Variants in EXOSC10 observed in about 807,000 individuals in gnomAD.
EXOSC10 encodes exosome complex component 10.
A neutral mutation model predicts 126.6 loss-of-function variants in EXOSC10; 94 were observed. The ratio of observed to expected loss-of-function variants is 0.74; its 90% CI spans 0.63 to 0.88. The LOEUF is 0.88. EXOSC10 is among the 40% of genes least tolerant of loss of function. The pLI is 0.00. For synonymous variants in EXOSC10, 395 were observed against 400.8 expected (o/e 0.99, Z 0.17); for missense variants, 1,041 against 1,100.5 (o/e 0.95, Z 0.77).
At chr1:11,091,316 A>T in intron 4 of EXOSC10, 137 bp from the exon 5 acceptor site, 1 of 985,742 alleles carries the variant, frequency 1.0e-6, no homozygotes. Flanking sequence ...GTGCATGTAG[A>T]GGTCTCCAGA....
chr1:11,076,092 G>A (rs1169318494), intron 17 of EXOSC10, among the ~76,000 whole-genome samples: 2 of 152,064 alleles, frequency 1.3e-5, no homozygotes, highest in Admixed American at 1.3e-4. Flanking sequence ...TTGAACCTGG[G>A]AGGTGGAGGT....
Position 11,071,966 on chromosome 1 carries a change from C to G in EXOSC10, c.2242+121G>C, listed in dbSNP as rs532204565. ...TAGATACTGATTGCCCACCATCCCTCAGCAGAAGGGAAGCCCCACAGGGGC... is the reference window on the plus strand; with the variant it reads ...TAGATACTGATTGCCCACCATCCCTGAGCAGAAGGGAAGCCCCACAGGGGC... On this transcript the variant is annotated intron_variant, in intron 20 of 24. Coordinates refer to ENST00000376936, the MANE Select transcript of EXOSC10 (RefSeq NM_001001998.3). The G allele has an allele frequency of 7.6e-4, 570 of 753,722 alleles. 10 individuals are homozygous for G. The South Asian group carries it at 9.4e-3, about 12-fold the overall frequency. The allele number at this position is 753,722 out of a possible 1,614,324, so 46.7% of individuals were successfully genotyped here. A position where few individuals can be genotyped will look rare whatever the true frequency, so the allele number is the denominator to read the frequency against.
In EXOSC10 at chr1:11,082,720, G is replaced by C. The variant is rs986060129; in HGVS notation, c.1248C>G (p.Asn416Lys). ...TCCAATCAGCCAGCTGATATTGCTT[G>C]TTTGAGTCCACGTTGCAGTAGAGTT... ...LLKLYCNVDS[N>K]KQYQLADWRI... The change falls in exon 10 of 25, where the codon AAC becomes AAG. Residue 416 changes from asparagine (N) to lysine (K), a missense_variant. By Grantham distance (94) the Asn-to-Lys change is moderately conservative. This residue lies in a region of EXOSC10 where 645 missense variants were observed against 656.3 expected (regional missense o/e 0.98). Coordinates refer to ENST00000376936, the MANE Select transcript of EXOSC10 (RefSeq NM_001001998.3). 5 of 1,614,208 alleles carry C rather than the reference G, an allele frequency of 3.1e-6. No individual in the cohort carries two copies. The highest frequency in any genetic ancestry group is 1.3e-5 in the African/African-American group (1 of 75,050).
chr1:11,083,527 A>T (rs2100987957), intron 9 of EXOSC10, among the ~76,000 whole-genome samples: 1 of 141,658 alleles, frequency 7.1e-6, no homozygotes, highest in Non-Finnish European at 1.5e-5. Context: ...GTACCATTGT[A>T]CTCCAGCCTG....
At chr1:11,074,118 G>C in intron 18 of EXOSC10, 110 bp from the exon 19 acceptor site, 1 of 1,374,992 alleles carries the variant, frequency 7.3e-7, no homozygotes, top group Non-Finnish European at 1.0e-6. Flanking sequence ...GTCTTTGCCA[G>C]GACACCAGGG....
chr1:11,077,402 A>G lies in EXOSC10; in HGVS notation c.1842T>C (p.His614=). The change falls in exon 16 of 25, where the codon CAT becomes CAC. Residue 614 remains histidine (H), a synonymous_variant. Transcript: ENST00000376936. ...NVLFGPHDCS[H]APPDGYPIIP... is the part of the protein sequence containing the mutation. ...TGATTGGATAGCCATCCGGAGGGGC[A>G]TGGGAGCAGTCGTGAGGTCCAAAGA... The G allele has an allele frequency of 6.2e-7, 1 of 1,613,896 alleles. No homozygotes were observed. The highest frequency in any genetic ancestry group is 8.5e-7 in the Non-Finnish European group (1 of 1,179,806).
chr1:11,087,355 A>G, intron 9 of EXOSC10, 93 bp downstream of exon 9: 1 of 1,449,836 alleles, frequency 6.9e-7, no homozygotes, highest in Non-Finnish European at 9.6e-7. Flanking sequence ...TCCCAACTTG[A>G]CTGGTCTAGG....
At position 11,081,099 on chromosome 1, in the gene EXOSC10, T is replaced by C. The variant is rs1229462068; in HGVS notation, c.1420A>G (p.Arg474Gly). 6.2e-7 allele frequency: 1 copy of C among 1,614,240 alleles called. No homozygotes were observed. ...AGGTGTACCTTGAGGCAGATGTCCC[T>C]GCTCCGTTGCCACACCACCTGCAGC... ...VQLQVVWQRS[R>G]DICLKKFIKP... The change falls in exon 11 of 25, where the codon AGG (arginine) becomes GGG (glycine). Residue 474 changes from arginine to glycine, a missense_variant. Arg to Gly is a moderately radical substitution (Grantham distance 125). Transcript: ENST00000376936.
chr1:11,077,667 A>G lies in EXOSC10; in HGVS notation c.1750-16T>C, dbSNP rs1639897167. The G allele has an allele frequency of 6.2e-7, 1 of 1,602,428 alleles. No individual in the cohort carries two copies. Among genetic ancestry groups the G allele is most frequent in the South Asian group, 1.1e-5 (1 of 90,418 alleles). On this transcript the variant is annotated splice_polypyrimidine_tract_variant and intron_variant, in intron 14 of 24. Transcript: ENST00000376936. Reference sequence around the variant, plus strand: ...CAACTTCAGACTAAGGAAAAAAACGAAGGGAATTGAGGAAAGTTGCCCAAG... The same window carrying G: ...CAACTTCAGACTAAGGAAAAAAACGGAGGGAATTGAGGAAAGTTGCCCAAG...
chr1:11,079,802 G>C lies in EXOSC10; in HGVS notation c.1658C>G (p.Ala553Gly). Residue 553 changes from alanine to glycine, a missense_variant, in exon 14 of 25, where the codon GCT becomes GGT. Physicochemically the swap from Ala to Gly is moderately conservative, Grantham distance 60 (BLOSUM62 0). This residue lies in a region of EXOSC10 where 388 missense variants were observed against 415.2 expected (regional missense o/e 0.93). Transcript: ENST00000376936. ...AAGGGGCGGTACTGGGTTGCAGCAA[G>C]CTATGATGCCCTGAGGTTCCCTGAA... is the stretch of plus-strand genomic sequence containing the variant. ...ELPKEPQGII[A>G]CCNPVPPLVR... The C allele has an allele frequency of 1.9e-6, 3 of 1,613,264 alleles. No individual in the cohort carries two copies. The highest frequency in any genetic ancestry group is 2.5e-6 in the Non-Finnish European group (3 of 1,179,654).
intron 22 of EXOSC10, 66 bp from the exon 23 acceptor site, chr1:11,068,772 C>T: frequency 7.6e-7 from 1 of 1,309,450 alleles, no homozygotes; most frequent in South Asian, 1.2e-5. Flanking sequence ...CACAGGCTCA[C>T]AGCGAGGCCG....
chr1:11,093,947 G>A (rs1392322784), intron 3 of EXOSC10, among the ~76,000 whole-genome samples: 2 of 152,036 alleles, frequency 1.3e-5, no homozygotes, highest in East Asian at 1.9e-4. Context: ...AGACGTGGTG[G>A]TGCACACCTG....
At chr1:11,083,930 A>G (rs1481064019) in intron 9 of EXOSC10, among the ~76,000 whole-genome samples, 3 of 152,154 alleles carry the variant, frequency 2.0e-5, no homozygotes, top group Non-Finnish European at 4.4e-5. Context: ...TTCCAATTTC[A>G]TCCATGTCCC....
intron 9 of EXOSC10, among the ~76,000 whole-genome samples, chr1:11,085,591 G>T (rs374468200): frequency 1.3e-5 from 2 of 152,020 alleles, no homozygotes; most frequent in Non-Finnish European, 2.9e-5. Context: ...CTTCCTCTTT[G>T]CCTAATTGAA....
chr1:11,083,784 C>G (rs1640326250), intron 9 of EXOSC10, among the ~76,000 whole-genome samples: 1 of 152,130 alleles, frequency 6.6e-6, no homozygotes, highest in South Asian at 2.1e-4. Context: ...CCCCTTTCCC[C>G]ACCCCACAAC....
intron 17 of EXOSC10, among the ~76,000 whole-genome samples, chr1:11,074,665 G>A (rs1307694956): frequency 1.3e-5 from 2 of 152,116 alleles, no homozygotes. Context: ...CACCCGCCTT[G>A]GCTTCCCAAA....
chr1:11,084,403 T>G (rs886813097), intron 9 of EXOSC10, among the ~76,000 whole-genome samples: 19 of 152,222 alleles, frequency 1.2e-4, no homozygotes, highest in African/African-American at 4.6e-4. Context: ...TCTTCATGTG[T>G]TTTTTGGCTG....
intron 2 of EXOSC10, 134 bp downstream of exon 2, chr1:11,097,886 C>T: frequency 1.1e-6 from 1 of 888,514 alleles, no homozygotes; most frequent in Non-Finnish European, 1.5e-6. Context: ...AAATCCATTG[C>T]TTCAATTTTC....
At chr1:11,090,154 C>T (rs1441220038) in intron 6 of EXOSC10, among the ~76,000 whole-genome samples, 2 of 152,058 alleles carry the variant, frequency 1.3e-5, no homozygotes, top group East Asian at 1.9e-4. Flanking sequence ...CACACCACCT[C>T]GCCTGGCTAA....
Sources: allele counts gnomAD v4.1 joint callset (sites outside exome capture counted in the v4.1 genomes callset), GRCh38; gene constraint gnomAD v4.1.1; regional missense constraint gnomAD v4.1.1; transcripts MANE v1.5; gene names NCBI Gene and HGNC (gene_info 2026-07-23, HGNC 2026-07-21).